Variants in ERC2 observed in about 807,000 individuals in gnomAD.
ERC2 encodes the protein ELKS/RAB6-interacting/CAST family member 2.
A neutral mutation model predicts 114.8 loss-of-function variants in ERC2; 42 were observed. The ratio of observed to expected loss-of-function variants is 0.37; its 90% CI spans 0.29 to 0.47. The LOEUF (loss-of-function observed/expected upper bound fraction) is 0.47. Ranked by LOEUF, ERC2 falls within the 20% of genes least tolerant of loss-of-function variation. The pLI is 0.99. For missense variants in ERC2, 939 were observed against 1,150.7 expected (o/e 0.82, Z 2.66); for synonymous variants, 454 against 425.5 (o/e 1.07, Z -0.82).
chr3:55,827,895 A>G (rs1489094039), intron 14 of ERC2, among the ~76,000 whole-genome samples: 1 of 152,222 alleles, frequency 6.6e-6, no homozygotes, highest in Non-Finnish European at 1.5e-5. Context: ...GTCATTTGGG[A>G]TATTCACAAA....
intron 7 of ERC2, among the ~76,000 whole-genome samples, chr3:56,051,700 C>T (rs141796109): frequency 0.015 from 2,309 of 152,054 alleles, 58 homozygotes; most frequent in African/African-American, 0.053. Context: ...GTGGTGTGTG[C>T]CTGTAGTCCC....
At chr3:56,375,879 G>C (rs990102686) in intron 2 of ERC2, among the ~76,000 whole-genome samples, 2 of 152,154 alleles carry the variant, frequency 1.3e-5, no homozygotes, top group Non-Finnish European at 2.9e-5. Context: ...CACTCTGAGG[G>C]AAGTCAGCTG....
chr3:56,419,626 A>C (rs930613689), intron 2 of ERC2, among the ~76,000 whole-genome samples: 1 of 152,248 alleles, frequency 6.6e-6, no homozygotes, highest in Middle Eastern at 3.2e-3. Context: ...AAATGAAGAC[A>C]TGTCTCATAT....
intron 17 of ERC2, among the ~76,000 whole-genome samples, chr3:55,539,355 G>C (rs562926510): frequency 6.8e-6 from 1 of 146,128 alleles, no homozygotes; most frequent in Non-Finnish European, 1.5e-5. Context: ...GATTTTCTAA[G>C]ACGTATTTTC....
chr3:55,867,966 T>C lies in ERC2; in HGVS notation c.2564+20423A>G, dbSNP rs567946202. On this transcript the variant is annotated intron_variant, in intron 14 of 17. Coordinates refer to ENST00000288221, the MANE Select transcript of ERC2 (RefSeq NM_015576.3). ...AATGATTCAACCTTATTCAGCCCAT[T>C]ATACTGTTAAAATACCTAGCACTAC... Among the ~76,000 whole-genome samples the C allele has an allele frequency of 5.3e-5, 8 of 152,288 alleles. No individual in the cohort carries two copies. The Middle Eastern group carries it at 0.01, about 194-fold the overall frequency.
At chr3:56,071,404 A>C (rs541575142) in intron 7 of ERC2, among the ~76,000 whole-genome samples, 1 of 152,318 alleles carries the variant, frequency 6.6e-6, no homozygotes, top group South Asian at 2.1e-4. Context: ...TTGAGTGGAG[A>C]AATGAAGAGG....
intron 2 of ERC2, among the ~76,000 whole-genome samples, chr3:56,355,851 G>A (rs2058728470): frequency 6.9e-6 from 1 of 144,364 alleles, no homozygotes; most frequent in South Asian, 2.2e-4. Context: ...CTGCTGAGAA[G>A]GCTCTGAAAT....
chr3:55,854,174 C>G (rs2061689888), intron 14 of ERC2, among the ~76,000 whole-genome samples: 1 of 152,244 alleles, frequency 6.6e-6, no homozygotes, highest in East Asian at 1.9e-4. Flanking sequence ...ACTTGGGAAG[C>G]TGAGGCACGA....
At chr3:55,837,103 C>A (rs2060925296) in intron 14 of ERC2, among the ~76,000 whole-genome samples, 1 of 152,110 alleles carries the variant, frequency 6.6e-6, no homozygotes, top group Non-Finnish European at 1.5e-5. Flanking sequence ...AGCCAGGAAA[C>A]AACAGGTGCT....
intron 2 of ERC2, among the ~76,000 whole-genome samples, chr3:56,366,492 C>A (rs927427645): frequency 6.6e-6 from 1 of 152,192 alleles, no homozygotes; most frequent in African/African-American, 2.4e-5. Flanking sequence ...TGTTTGCAGG[C>A]TCTCACAGGC....
intron 17 of ERC2, among the ~76,000 whole-genome samples, chr3:55,581,240 A>G (rs529761445): frequency 6.6e-6 from 1 of 152,314 alleles, no homozygotes; most frequent in African/African-American, 2.4e-5. Context: ...TAAGTCTCCC[A>G]TCGCCACTTC....
intron 13 of ERC2, among the ~76,000 whole-genome samples, chr3:55,946,731 C>G (rs990688389): frequency 3.3e-5 from 5 of 152,180 alleles, no homozygotes; most frequent in Non-Finnish European, 7.3e-5. Flanking sequence ...GCCAGTTCAA[C>G]TCCACGGTTC....
intron 4 of ERC2, among the ~76,000 whole-genome samples, chr3:56,166,548 G>C (rs2082334170): frequency 6.6e-6 from 1 of 151,970 alleles, no homozygotes; most frequent in Non-Finnish European, 1.5e-5. Context: ...TTGGTGGTAA[G>C]ATTTTAATTT....
intron 14 of ERC2, among the ~76,000 whole-genome samples, chr3:55,865,823 G>T (rs142399732): frequency 3.5e-4 from 54 of 152,172 alleles, no homozygotes; most frequent in Non-Finnish European, 6.9e-4. Flanking sequence ...GCATTGTATG[G>T]ATGTACCATC....
chr3:56,372,442 A>C (rs533879500), intron 2 of ERC2, among the ~76,000 whole-genome samples: 2 of 152,258 alleles, frequency 1.3e-5, no homozygotes, highest in Admixed American at 1.3e-4. Flanking sequence ...AATTATAACA[A>C]GGTGGCCAGG....
At chr3:55,968,040 C>A (rs1259739137) in intron 12 of ERC2, among the ~76,000 whole-genome samples, 1 of 152,138 alleles carries the variant, frequency 6.6e-6, no homozygotes, top group Non-Finnish European at 1.5e-5. Flanking sequence ...AGATACTATT[C>A]AAAAATAAAG....
chr3:56,378,701 T>C (rs2059640355), intron 2 of ERC2, among the ~76,000 whole-genome samples: 1 of 152,188 alleles, frequency 6.6e-6, no homozygotes, highest in Admixed American at 6.5e-5. Context: ...CATTCATATG[T>C]CCCAAGTTTA....
intron 7 of ERC2, among the ~76,000 whole-genome samples, chr3:56,033,209 G>C (rs1234802674): frequency 6.6e-6 from 1 of 152,050 alleles, no homozygotes; most frequent in East Asian, 1.9e-4. Flanking sequence ...CTGGACAACA[G>C]AGTGAGACCC....
chr3:56,086,208 G>A (rs904031015), intron 6 of ERC2, among the ~76,000 whole-genome samples: 21 of 152,004 alleles, frequency 1.4e-4, no homozygotes, highest in African/African-American at 2.2e-4. Context: ...GTGCCCTGTC[G>A]CATCTTCCCA....
Sources: allele counts gnomAD v4.1 joint callset (sites outside exome capture counted in the v4.1 genomes callset), GRCh38; gene constraint gnomAD v4.1.1; transcripts MANE v1.5; gene names NCBI Gene and HGNC (gene_info 2026-07-23, HGNC 2026-07-21).